The following SBF1 variants were observed in gnomAD, a reference collection of about 807,000 sequenced individuals.
SBF1 encodes the protein myotubularin-related protein 5.
SBF1 carries 65 observed loss-of-function variants against 215.8 expected under a neutral mutation model. That is an observed-to-expected ratio of 0.30 (90% CI 0.25 to 0.37). The LOEUF is 0.37. Among genes scored for constraint, SBF1 ranks in the 10% least tolerant of loss-of-function variants. SBF1 has a pLI of 1.00. For synonymous variants in SBF1, 1,410 were observed against 1,122.8 expected (o/e 1.26, Z -5.11); for missense variants, 2,634 against 2,667.8 (o/e 0.99, Z 0.28).
At chr22:50,450,616 C>T (rs1000596404) in intron 36 of SBF1, among the ~76,000 whole-genome samples, 6 of 152,134 alleles carry the variant, frequency 3.9e-5, no homozygotes, top group East Asian at 1.9e-4. Context: ...AAGACCTTAC[C>T]GAAGACACAA....
In SBF1 at chr22:50,466,605, C is replaced by A; in HGVS notation, c.655G>T (p.Gly219Cys). The A allele has an allele frequency of 6.5e-7, 1 of 1,549,176 alleles. No homozygotes were observed. The highest frequency in any genetic ancestry group is 2.4e-5 in the East Asian group (1 of 40,968). The change falls in exon 6 of 41, where the codon GGC (glycine) becomes TGC (cysteine). Residue 219 changes from glycine to cysteine, a missense_variant and splice_region_variant. Transcript: ENST00000380817. ...GCGGGGGTGGGACAGACAGGCTCAC[C>A]TAGCTGGCGGAAGAGCAGGGCCACG... ...CSVALLFRQLGITNVLSLFCA... is the reference protein window; with the variant it reads ...CSVALLFRQLCITNVLSLFCA...
At chr22:50,474,414 G>C (rs2068101000) in intron 1 of SBF1, among the ~76,000 whole-genome samples, 1 of 152,216 alleles carries the variant, frequency 6.6e-6, no homozygotes, top group Non-Finnish European at 1.5e-5. Flanking sequence ...TGGCCAAGGA[G>C]AGAGCCCGTC....
At chr22:50,468,253 TCTTGTCCCTAGCCCAG>T in intron 2 of SBF1, 107 bp downstream of exon 2, 1 of 924,492 alleles carries the variant, frequency 1.1e-6, no homozygotes, top group Non-Finnish European at 1.6e-6. Flanking sequence ...GGCTCTGCTG[TCTTGTCCCTAGCCCAG>T]CGGGGGGCCG....
At chr22:50,465,657 C>G (rs1230994405) in intron 10 of SBF1, 106 bp downstream of exon 10, 4 of 1,063,524 alleles carry the variant, frequency 3.8e-6, no homozygotes, top group Non-Finnish European at 5.4e-6. Context: ...GCTACTGGAG[C>G]CGGGGCCAGC....
chr22:50,448,198 A>G, intron 38 of SBF1, 35 bp downstream of exon 38: 1 of 1,588,468 alleles, frequency 6.3e-7, no homozygotes, highest in Non-Finnish European at 8.6e-7. Flanking sequence ...ACCAGCTCAG[A>G]GGTGTCCATG....
chr22:50,467,347 C>G lies in SBF1; in HGVS notation c.540G>C (p.Gly180=), dbSNP rs2067811718. 1 of 1,613,882 alleles carries G rather than the reference C, an allele frequency of 6.2e-7. No individual in the cohort carries two copies. The highest frequency in any genetic ancestry group is 1.7e-5 in the Admixed American group (1 of 59,994). The stretch of plus-strand genomic sequence containing the variant: ...TGCCTCCAAAACTCACCTGCGAGCC[C>G]CCAGCCAGGGGCACAGTGCACGTCA... ...NLLTCTVPLA[G]GSQRTISLGA... Residue 180 remains glycine (G), a synonymous_variant, in exon 5 of 41, where the codon GGG becomes GGC. Coordinates refer to ENST00000380817, the MANE Select transcript of SBF1 (RefSeq NM_002972.4).
At chr22:50,468,300 G>C in intron 2 of SBF1, 76 bp downstream of exon 2, 1 of 1,400,194 alleles carries the variant, frequency 7.1e-7, no homozygotes, top group Non-Finnish European at 9.9e-7. Context: ...AGGCCCCTCA[G>C]TCAGGGACAA....
rs370600746 is a variant in SBF1 at position 50,452,393 on chromosome 22, C to A, written c.5043+2119G>T. Among the ~76,000 whole-genome samples, 5 of 152,022 alleles carry A rather than the reference C, an allele frequency of 3.3e-5. No homozygotes were observed. In the East Asian group the frequency reaches 7.7e-4, roughly 23 times the overall value. On this transcript the variant is annotated intron_variant, in intron 36 of 40. Coordinates refer to ENST00000380817, the MANE Select transcript of SBF1 (RefSeq NM_002972.4). ...AAAATAGAAGACTTTTTCCTTCTTT[C>A]TTAATTTCCTTAAAACAAAGTTGAC...
chr22:50,465,038 C>T lies in SBF1; in HGVS notation c.1295G>A (p.Arg432His), dbSNP rs774056074. ...GMAFAGFVSE[R>H]GVPYRPTDLF... ...GTCCGTAGGGCGGTATGGGACCCCA[C>T]GCTCTGACACAAAGCCAGCAAAGGC... Residue 432 changes from arginine to histidine, a missense_variant, in exon 12 of 41, where the codon CGT becomes CAT. Transcript: ENST00000380817. 13 of 1,613,966 alleles carry T rather than the reference C, an allele frequency of 8.1e-6. No homozygotes were observed. Among genetic ancestry groups the T allele is most frequent in the South Asian group, 3.3e-5 (3 of 91,088 alleles).
At chr22:50,452,102 T>A (rs1290549563) in intron 36 of SBF1, among the ~76,000 whole-genome samples, 1 of 137,550 alleles carries the variant, frequency 7.3e-6, no homozygotes, top group African/African-American at 2.8e-5. Flanking sequence ...AGCCTAGTAA[T>A]GAGATCTTTT....
chr22:50,463,597 C>T (rs1028429821), intron 15 of SBF1, among the ~76,000 whole-genome samples, 165 bp from the exon 16 acceptor site: 1 of 152,214 alleles, frequency 6.6e-6, no homozygotes, highest in Admixed American at 6.5e-5. Context: ...TCCAGTGGGC[C>T]CGACAACTCC....
At chr22:50,457,145 G>A (rs2067287390) in intron 28 of SBF1, 34 bp from the exon 29 acceptor site, 4 of 1,438,184 alleles carry the variant, frequency 2.8e-6, no homozygotes, top group Non-Finnish European at 3.6e-6. Flanking sequence ...CTCAGGCCTA[G>A]CCCCAGGCCT....
rs183924682 is a variant in SBF1 at position 50,457,357 on chromosome 22, G to C, written c.3827-246C>G. 305 of 427,496 alleles carry C rather than the reference G, an allele frequency of 7.1e-4. 4 individuals carry two copies. The Admixed American group carries it at 0.012, about 17-fold the overall frequency. The allele number at this position is 427,496 out of a possible 1,614,324, so 26.5% of individuals were successfully genotyped here. A position where few individuals can be genotyped will look rare whatever the true frequency, so the allele number is the denominator to read the frequency against. ...AAGGGCTATGCGGTGGGGATCCCGG[G>C]CTCTCCTCTAACACTTCCTTTCTTC... On this transcript the variant is annotated intron_variant, in intron 28 of 40. Transcript: ENST00000380817.
At chr22:50,471,634 C>CGCA (rs2068000136) in intron 1 of SBF1, among the ~76,000 whole-genome samples, 1 of 152,142 alleles carries the variant, frequency 6.6e-6, no homozygotes, top group African/African-American at 2.4e-5. Context: ...CTCCCTCGGC[C>CGCA]GCAGCAGCAG....
In SBF1 at chr22:50,459,823, G is replaced by A. The variant is rs116389476; in HGVS notation, c.3491+129C>T. On this transcript the variant is annotated intron_variant, in intron 26 of 40. Coordinates refer to ENST00000380817, the MANE Select transcript of SBF1 (RefSeq NM_002972.4). ...CAGCCACCCCCCAGCCCTGTGGCCC[G>A]TCCCTCTGCCCGGAGTCTCCCCCTC... The A allele has an allele frequency of 1.0e-3, 1,381 of 1,345,500 alleles. 11 individuals carry two copies. In the African/African-American group the frequency reaches 0.018, roughly 18 times the overall value. 83.3% of individuals were successfully genotyped at this position (1,345,500 alleles called of 1,614,324 possible). A position where few individuals can be genotyped will look rare whatever the true frequency, so the allele number is the denominator to read the frequency against.
chr22:50,457,361 T>C (rs1426132674), intron 28 of SBF1: 1 of 424,516 alleles, frequency 2.4e-6, no homozygotes, highest in East Asian at 3.6e-5. Context: ...TCCCGGGCTC[T>C]CCTCTAACAC....
rs143164941 is a variant in SBF1, at chr22:50,473,591, CGAA to C, written c.55+1192_55+1194del. Among the ~76,000 whole-genome samples the C allele has an allele frequency of 2.1e-3, 314 of 152,036 alleles. 1 individual carries two copies. The highest frequency in any genetic ancestry group is 7.1e-3 in the African/African-American group (294 of 41,458). ...GAGGGCACTGAGGAGGGGCTGGAGACGAAGAAGATGCTAAAGAGGCTTCAGGAA... is the reference window on the plus strand; with the variant it reads ...GAGGGCACTGAGGAGGGGCTGGAGACGAAGATGCTAAAGAGGCTTCAGGAA... On this transcript the variant is annotated intron_variant, in intron 1 of 40. Coordinates refer to ENST00000380817, the MANE Select transcript of SBF1 (RefSeq NM_002972.4).
At position 50,448,669 on chromosome 22, in the gene SBF1, G is replaced by C; in HGVS notation, c.5044-19C>G. ...GCAGCTCCTGGGGGAAGAATTAATG[G>C]CAAGTTTATTCAAAAGGAAATATCC... On this transcript the variant is annotated intron_variant, in intron 36 of 40. Transcript: ENST00000380817. The C allele has an allele frequency of 6.4e-7, 1 of 1,572,126 alleles. No individual in the cohort carries two copies. The highest frequency in any genetic ancestry group is 1.3e-5 in the African/African-American group (1 of 74,348).
chr22:50,474,820 G>A lies in SBF1; in HGVS notation c.21C>T (p.Tyr7=). 3 of 1,436,090 alleles carry A rather than the reference G, an allele frequency of 2.1e-6. No homozygotes were observed. The highest frequency in any genetic ancestry group is 2.7e-6 in the Non-Finnish European group (3 of 1,096,974). 89.0% of individuals were successfully genotyped at this position (1,436,090 alleles called of 1,614,324 possible). A position where few individuals can be genotyped will look rare whatever the true frequency, so the allele number is the denominator to read the frequency against. Residue 7 remains tyrosine (Y), a synonymous_variant, in exon 1 of 41, where the codon TAC becomes TAT. Transcript: ENST00000380817. ...GCGGCCCGAACGCCACCAGCACGAA[G>A]TAGTCCGCGAGCCGCGCCATGGCGA... The part of the protein sequence containing the change: MARLAD[Y]FVLVAFGPHP...
Sources: gnomAD v4.1 joint callset for allele counts (sites outside exome capture counted in the v4.1 genomes callset) on GRCh38, gnomAD v4.1.1 for gene constraint, MANE v1.5 for transcripts, NCBI Gene and HGNC (gene_info 2026-07-23, HGNC 2026-07-21) for gene names.